The following BMERB1 variants were observed in gnomAD, a reference collection of about 807,000 sequenced individuals.
BMERB1 encodes bMERB domain containing 1, also known as bMERB domain-containing protein 1.
A neutral mutation model predicts 23.6 loss-of-function variants in BMERB1; 12 were observed. The ratio of observed to expected loss-of-function variants is 0.51; its 90% CI spans 0.33 to 0.82. The LOEUF is 0.82. Among genes scored for constraint, BMERB1 ranks in the 40% least tolerant of loss-of-function variants. BMERB1 has a pLI of 0.03. For synonymous variants in BMERB1, 122 were observed against 96.6 expected, an observed-to-expected ratio of 1.26 and a Z score of -1.54; for missense variants, 247 against 255.4, an observed-to-expected ratio of 0.97 and a Z score of 0.22.
intron 3 of BMERB1, among the ~76,000 whole-genome samples, chr16:15,578,103 G>A (rs1596403471): frequency 6.6e-6 from 1 of 152,280 alleles, no homozygotes; most frequent in African/African-American, 2.4e-5. Context: ...TGGCTGCCTG[G>A]CTACCTACTC....
intron 1 of BMERB1, among the ~76,000 whole-genome samples, chr16:15,478,314 C>T (rs900009786): frequency 4.6e-5 from 7 of 152,116 alleles, no homozygotes; most frequent in Admixed American, 3.9e-4. Context: ...GCACACACCA[C>T]CATGCCCAGC....
At chr16:15,540,929 G>C (rs568218715) in intron 2 of BMERB1, among the ~76,000 whole-genome samples, 1 of 152,030 alleles carries the variant, frequency 6.6e-6, no homozygotes, top group Non-Finnish European at 1.5e-5. Flanking sequence ...TGCCAACTGG[G>C]TGCCCAAGCA....
chr16:15,453,157 A>G (rs866589254), intron 1 of BMERB1, among the ~76,000 whole-genome samples: 2 of 152,252 alleles, frequency 1.3e-5, no homozygotes, highest in South Asian at 2.1e-4. Flanking sequence ...GGGCAACAGC[A>G]CGAGACTCTG....
chr16:15,550,215 C>T (rs1378228865), intron 2 of BMERB1, among the ~76,000 whole-genome samples: 2 of 152,174 alleles, frequency 1.3e-5, no homozygotes, highest in East Asian at 1.9e-4. Flanking sequence ...GCTGGGATTA[C>T]AGGTGTGAGC....
chr16:15,533,698 G>A (rs1598501257), intron 2 of BMERB1, among the ~76,000 whole-genome samples: 1 of 152,190 alleles, frequency 6.6e-6, no homozygotes, highest in African/African-American at 2.4e-5. Flanking sequence ...TGCATAAGCA[G>A]AGAAAGCCAG....
At chr16:15,442,979 T>A (rs2050954286) in intron 1 of BMERB1, among the ~76,000 whole-genome samples, 1 of 152,106 alleles carries the variant, frequency 6.6e-6, no homozygotes, top group Non-Finnish European at 1.5e-5. Context: ...CGGGCGTGGT[T>A]GCTCACACTT....
At chr16:15,466,950 A>G (rs1230678739) in intron 1 of BMERB1, among the ~76,000 whole-genome samples, 1 of 152,194 alleles carries the variant, frequency 6.6e-6, no homozygotes, top group African/African-American at 2.4e-5. Flanking sequence ...ATCATGCAGT[A>G]TATAACCTTT....
chr16:15,530,084 T>C (rs1261138635), intron 2 of BMERB1, among the ~76,000 whole-genome samples: 1 of 152,168 alleles, frequency 6.6e-6, no homozygotes, highest in African/African-American at 2.4e-5. Flanking sequence ...CTCCTCCATC[T>C]CCGAAGCCAG....
chr16:15,513,905 A>T (rs945185752), intron 1 of BMERB1, among the ~76,000 whole-genome samples: 1 of 152,084 alleles, frequency 6.6e-6, no homozygotes, highest in Non-Finnish European at 1.5e-5. Context: ...AAAAAGAAAA[A>T]AAAGTGTGTC....
chr16:15,581,055 A>G (rs2031001958), intron 3 of BMERB1, among the ~76,000 whole-genome samples, 162 bp from the exon 4 acceptor site: 2 of 151,922 alleles, frequency 1.3e-5, no homozygotes, highest in Non-Finnish European at 2.9e-5. Context: ...CTGGAATTCC[A>G]GGTGTGTGCC....
At chr16:15,528,699 TCC>T (rs978485639) in intron 2 of BMERB1, among the ~76,000 whole-genome samples, 10 of 151,440 alleles carry the variant, frequency 6.6e-5, no homozygotes, top group African/African-American at 2.4e-4. Context: ...ATCCCTCTCC[TCC>T]CACCCCCCTC....
intron 2 of BMERB1, among the ~76,000 whole-genome samples, chr16:15,543,961 C>G (rs1409900606): frequency 6.6e-6 from 1 of 152,166 alleles, no homozygotes; most frequent in African/African-American, 2.4e-5. Flanking sequence ...TACTGAGGCA[C>G]TGCTTAATGA....
chr16:15,580,468 C>T (rs977078772), intron 3 of BMERB1, among the ~76,000 whole-genome samples: 5 of 151,754 alleles, frequency 3.3e-5, no homozygotes, highest in African/African-American at 1.2e-4. Flanking sequence ...TTGAAGAGGT[C>T]AAGTTGCTTC....
chr16:15,500,033 G>A (rs193238907), intron 1 of BMERB1, among the ~76,000 whole-genome samples: 1 of 152,276 alleles, frequency 6.6e-6, no homozygotes, highest in South Asian at 2.1e-4. Context: ...TTGAGTGAGG[G>A]GGGTAGAGGG....
intron 2 of BMERB1, among the ~76,000 whole-genome samples, chr16:15,538,239 G>A (rs950305534): frequency 2.0e-5 from 3 of 152,118 alleles, no homozygotes; most frequent in African/African-American, 7.2e-5. Context: ...GATCACTTAG[G>A]TCAGGAGTTC....
chr16:15,468,129 C>CTTT (rs1223276147), intron 1 of BMERB1, among the ~76,000 whole-genome samples: 2 of 53,094 alleles, frequency 3.8e-5, no homozygotes, highest in Admixed American at 2.1e-4. Context: ...TTCTTTCTTT[C>CTTT]TTCTTCTTTT....
intron 2 of BMERB1, among the ~76,000 whole-genome samples, chr16:15,522,515 TC>T (rs1236546965): frequency 6.6e-6 from 1 of 152,196 alleles, no homozygotes; most frequent in African/African-American, 2.4e-5. Flanking sequence ...TGGCTAGTTT[TC>T]TAGTGTTTTA....
chr16:15,482,054 T>G (rs2051326667), intron 1 of BMERB1, among the ~76,000 whole-genome samples: 1 of 152,070 alleles, frequency 6.6e-6, no homozygotes, highest in Admixed American at 6.6e-5. Flanking sequence ...TAAATAATCA[T>G]CAGGACCATG....
intron 1 of BMERB1, among the ~76,000 whole-genome samples, chr16:15,469,061 G>A (rs2051207805): frequency 6.7e-6 from 1 of 149,820 alleles, no homozygotes; most frequent in Admixed American, 6.7e-5. Context: ...TCCACCTCCT[G>A]GGTTCAAGTG....
Sources: allele counts gnomAD v4.1 joint callset (sites outside exome capture counted in the v4.1 genomes callset), GRCh38; gene constraint gnomAD v4.1.1; transcripts MANE v1.5; gene names NCBI Gene and HGNC (gene_info 2026-07-23, HGNC 2026-07-21).